Variants in SCN1A observed in about 807,000 individuals in gnomAD.
SCN1A encodes the protein sodium voltage-gated channel alpha subunit 1, also known as sodium channel protein type 1 subunit alpha.
SCN1A carries 13 observed loss-of-function variants against 193.7 expected under a neutral mutation model. That is an observed-to-expected ratio of 0.07 (90% CI 0.04 to 0.11). The LOEUF (loss-of-function observed/expected upper bound fraction) is 0.11. Among genes scored for constraint, SCN1A ranks in the 10% least tolerant of loss-of-function variants. The pLI, the probability that SCN1A is intolerant of heterozygous loss-of-function variation, is 1.00. For missense variants in SCN1A, 1,432 were observed against 2,451.1 expected, an observed-to-expected ratio of 0.58 and a Z score of 8.78; for synonymous variants, 781 against 843.6, an observed-to-expected ratio of 0.93 and a Z score of 1.29.
chr2:166,076,930 A>G (rs1170183482), intron 3 of SCN1A, among the ~76,000 whole-genome samples: 1 of 151,972 alleles, frequency 6.6e-6, no homozygotes, highest in Non-Finnish European at 1.5e-5. Context: ...GAACTAAAAA[A>G]CTACTAGAAG....
chr2:166,075,077 A>G (rs1684858452), intron 3 of SCN1A, among the ~76,000 whole-genome samples: 1 of 152,196 alleles, frequency 6.6e-6, no homozygotes, highest in African/African-American at 2.4e-5. Flanking sequence ...ACAAGGCATC[A>G]GGAAAATACT....
At chr2:166,033,165 A>C (rs1201178464) in intron 19 of SCN1A, among the ~76,000 whole-genome samples, 1 of 152,160 alleles carries the variant, frequency 6.6e-6, no homozygotes, top group Non-Finnish European at 1.5e-5. Flanking sequence ...TCTATGCCTT[A>C]TATCTCTGGG....
chr2:166,099,353 G>A (rs1423232639), intron 2 of SCN1A, among the ~76,000 whole-genome samples: 4 of 150,774 alleles, frequency 2.7e-5, no homozygotes, highest in South Asian at 2.1e-4. Flanking sequence ...GTATTGATGG[G>A]ACGTATCTCA....
chr2:166,121,068 T>G (rs980611586), intron 2 of SCN1A, among the ~76,000 whole-genome samples: 1 of 149,582 alleles, frequency 6.7e-6, no homozygotes, highest in African/African-American at 2.5e-5. Context: ...ACCAACCAGA[T>G]GTTTACTTCC....
At chr2:166,128,997 T>C (rs1445647734), upstream of SCN1A, among the ~76,000 whole-genome samples, 1 of 152,104 alleles carries the variant, frequency 6.6e-6, no homozygotes, top group Non-Finnish European at 1.5e-5. Context: ...GAAGTAAATA[T>C]TTCATCCTCA....
At chr2:166,075,545 T>C (rs905144792) in intron 3 of SCN1A, among the ~76,000 whole-genome samples, 2 of 152,054 alleles carry the variant, frequency 1.3e-5, no homozygotes, top group South Asian at 4.1e-4. Flanking sequence ...CATTGCATGT[T>C]ATGTGCCATA....
chr2:166,088,707 G>C (rs11887412), intron 2 of SCN1A, among the ~76,000 whole-genome samples: 33,464 of 152,104 alleles, frequency 0.22, 3,869 homozygotes, highest in Middle Eastern at 0.47. Context: ...CCCAAAGCCC[G>C]TGGGCTAGGT....
chr2:166,001,483 C>T (rs1334143181), intron 24 of SCN1A, among the ~76,000 whole-genome samples: 1 of 151,698 alleles, frequency 6.6e-6, no homozygotes, highest in Non-Finnish European at 1.5e-5. Flanking sequence ...AGTTAGTCTT[C>T]TGGTTGAACA....
chr2:166,077,241 T>C (rs1685074604), intron 3 of SCN1A: 1 of 151,724 alleles, frequency 6.6e-6, no homozygotes. Flanking sequence ...AAAATTTTGC[T>C]CTGTGAAAGA....
At chr2:165,999,979 T>C (rs1214807092) in intron 24 of SCN1A, 1 of 599,436 alleles carries the variant, frequency 1.7e-6, no homozygotes, top group African/African-American at 1.9e-5. Context: ...AAATGGCCAT[T>C]TGATATATCC....
chr2:165,995,776 G>A (rs1341640681), intron 27 of SCN1A, among the ~76,000 whole-genome samples: 2 of 151,650 alleles, frequency 1.3e-5, no homozygotes, highest in African/African-American at 4.8e-5. Context: ...GTAATGGGGT[G>A]CTTCTAAATC....
intron 2 of SCN1A, among the ~76,000 whole-genome samples, chr2:166,115,375 A>G (rs941295202): frequency 2.6e-5 from 4 of 152,192 alleles, no homozygotes; most frequent in Non-Finnish European, 4.4e-5. Flanking sequence ...ACAAACAAAC[A>G]AAAAAGAATA....
intron 19 of SCN1A, among the ~76,000 whole-genome samples, chr2:166,025,455 A>G (rs942284085): frequency 2.6e-5 from 4 of 152,130 alleles, no homozygotes; most frequent in African/African-American, 9.7e-5. Context: ...AGCTTCCTCT[A>G]TGTGATAGCA....
chr2:166,072,518 C>T (rs918312293), intron 4 of SCN1A, among the ~76,000 whole-genome samples: 1 of 152,026 alleles, frequency 6.6e-6, no homozygotes, highest in African/African-American at 2.4e-5. Context: ...TTGTAAAATT[C>T]TAGTTTATGT....
chr2:166,056,923 T>C (rs1285072640), intron 5 of SCN1A, among the ~76,000 whole-genome samples: 1 of 152,038 alleles, frequency 6.6e-6, no homozygotes, highest in African/African-American at 2.4e-5. Flanking sequence ...TTATCTGCAA[T>C]ATTGTAATTT....
At chr2:166,148,739 A>G (rs753266034) in intron 1 of SCN1A, among the ~76,000 whole-genome samples, 9 of 152,214 alleles carry the variant, frequency 5.9e-5, no homozygotes, top group Non-Finnish European at 8.8e-5. Flanking sequence ...CTTTGAGCTA[A>G]TAGCCACCTC....
intron 2 of SCN1A, among the ~76,000 whole-genome samples, chr2:166,089,243 C>T (rs564943782): frequency 6.6e-6 from 1 of 152,000 alleles, no homozygotes; most frequent in Non-Finnish European, 1.5e-5. Context: ...TATTTGGGGC[C>T]CACTGCTAGT....
chr2:166,138,576 G>A (rs1169407556), intron 1 of SCN1A, among the ~76,000 whole-genome samples: 1 of 152,220 alleles, frequency 6.6e-6, no homozygotes, highest in Non-Finnish European at 1.5e-5. Flanking sequence ...TGGGGTTTGA[G>A]AACCTCTGCC....
In SCN1A at chr2:166,042,427, G is replaced by GT. The variant is rs755051618; in HGVS notation, c.2044-4dup. 1.8e-5 allele frequency: 29 copies of GT among 1,613,096 alleles called. No individual in the cohort carries two copies. The highest frequency in any genetic ancestry group is 2.4e-5 in the Non-Finnish European group (28 of 1,179,580). On this transcript the variant is annotated splice_polypyrimidine_tract_variant and splice_region_variant and intron_variant, in intron 14 of 28. Coordinates refer to ENST00000674923, the MANE Select transcript of SCN1A (RefSeq NM_001165963.4). ...ATTTCAGTTTCAGTGGTTGTTCCCTGTAAAAAAAAATGCTAATGCATTAAA... is the reference window on the plus strand; with the variant it reads ...ATTTCAGTTTCAGTGGTTGTTCCCTGTTAAAAAAAAATGCTAATGCATTAAA...
Sources: gnomAD v4.1 joint callset for allele counts (sites outside exome capture counted in the v4.1 genomes callset) on GRCh38, gnomAD v4.1.1 for gene constraint, MANE v1.5 for transcripts, NCBI Gene and HGNC (gene_info 2026-07-23, HGNC 2026-07-21) for gene names.